Variants in TEK observed in about 807,000 individuals in gnomAD.
The protein encoded by TEK is TEK receptor tyrosine kinase, also known as angiopoietin-1 receptor.
A neutral mutation model predicts 131.8 loss-of-function variants in TEK; 43 were observed. That is an observed-to-expected ratio of 0.33 (90% confidence interval 0.26 to 0.42). TEK has a LOEUF of 0.42. Among genes scored for constraint, TEK ranks in the 10% least tolerant of loss-of-function variants. The probability of loss-of-function intolerance (pLI) is 1.00; values close to 1 mark genes in which losing one functional copy is unlikely to be tolerated. For synonymous variants in TEK, 580 were observed against 491.6 expected, an observed-to-expected ratio of 1.18 and a Z score of -2.38; for missense variants, 1,162 against 1,384.4, an observed-to-expected ratio of 0.84 and a Z score of 2.55.
chr9:27,217,648 C>T, intron 18 of TEK, 40 bp from the exon 19 acceptor site: 1 of 1,596,830 alleles, frequency 6.3e-7, no homozygotes, highest in Non-Finnish European at 8.6e-7. Flanking sequence ...TCTTAAAGAC[C>T]CTGTCCCAGT....
At chr9:27,177,503 C>A (rs772236024) in intron 6 of TEK, among the ~76,000 whole-genome samples, 4 of 152,226 alleles carry the variant, frequency 2.6e-5, no homozygotes, top group Non-Finnish European at 1.5e-5. Context: ...GTAATCCCAG[C>A]ACTTTGGGAG....
chr9:27,223,218 G>A (rs541739075), intron 21 of TEK, among the ~76,000 whole-genome samples: 40 of 152,178 alleles, frequency 2.6e-4, no homozygotes, highest in African/African-American at 8.9e-4. Context: ...ACGGATCAAC[G>A]AGACAGAAGA....
At chr9:27,222,508 T>C (rs1256180954) in intron 21 of TEK, among the ~76,000 whole-genome samples, 1 of 152,076 alleles carries the variant, frequency 6.6e-6, no homozygotes, top group Non-Finnish European at 1.5e-5. Flanking sequence ...AGACTAACAG[T>C]AGACCTCTCT....
intron 1 of TEK, among the ~76,000 whole-genome samples, chr9:27,137,786 T>TC (rs1338113823): frequency 3.9e-5 from 6 of 152,202 alleles, no homozygotes; most frequent in African/African-American, 1.4e-4. Flanking sequence ...TTCTCATTTT[T>TC]CTCTTTAGTT....
At chr9:27,214,197 A>G (rs953745392) in intron 18 of TEK, among the ~76,000 whole-genome samples, 8 of 152,346 alleles carry the variant, frequency 5.3e-5, no homozygotes, top group African/African-American at 1.9e-4. Flanking sequence ...AGAGATACTC[A>G]TTCTGCTTTT....
intron 1 of TEK, among the ~76,000 whole-genome samples, chr9:27,119,737 A>G (rs1405208321): frequency 6.6e-6 from 1 of 152,208 alleles, no homozygotes; most frequent in Non-Finnish European, 1.5e-5. Flanking sequence ...CACGGGCTCT[A>G]GGATGATCTG....
intron 18 of TEK, among the ~76,000 whole-genome samples, chr9:27,215,763 C>G (rs970103924): frequency 1.3e-5 from 2 of 148,546 alleles, no homozygotes; most frequent in Non-Finnish European, 3.0e-5. Flanking sequence ...CTTCAAAGAG[C>G]TCGTAGACAT....
intron 2 of TEK, among the ~76,000 whole-genome samples, chr9:27,162,906 G>T (rs191839068): frequency 6.6e-6 from 1 of 152,062 alleles, no homozygotes; most frequent in Non-Finnish European, 1.5e-5. Flanking sequence ...AGTAGAGACA[G>T]GGCTTTACCA....
chr9:27,117,141 A>G (rs1488619850), intron 1 of TEK, among the ~76,000 whole-genome samples: 1 of 152,160 alleles, frequency 6.6e-6, no homozygotes, highest in Non-Finnish European at 1.5e-5. Flanking sequence ...CTGGGATTAC[A>G]GGCGTGAGCC....
At chr9:27,187,849 C>T (rs1380074788) in intron 9 of TEK, among the ~76,000 whole-genome samples, 1 of 152,032 alleles carries the variant, frequency 6.6e-6, no homozygotes, top group Non-Finnish European at 1.5e-5. Context: ...ATTTAATCCT[C>T]TTACAAGGAC....
intron 1 of TEK, among the ~76,000 whole-genome samples, chr9:27,144,537 C>G (rs1198080996): frequency 6.6e-6 from 1 of 152,138 alleles, no homozygotes; most frequent in Non-Finnish European, 1.5e-5. Flanking sequence ...AGAGGAAAAA[C>G]AGACATAAAA....
Position 27,229,254 on chromosome 9 carries a change from C to T in TEK, c.*22C>T. ...CTAGGACAGAACATCTGTATACCCT[C>T]TGTTTCCCTTTCACTGGCATGGGAG... On this transcript the variant is annotated 3_prime_UTR_variant, in exon 23 of 23. Coordinates refer to ENST00000380036, the MANE Select transcript of TEK (RefSeq NM_000459.5). 6.2e-7 allele frequency: 1 copy of T among 1,612,390 alleles called. No individual in the cohort carries two copies. Among genetic ancestry groups the T allele is most frequent in the South Asian group, 1.1e-5 (1 of 91,062 alleles).
At chr9:27,183,998 A>G (rs934244938) in intron 8 of TEK, among the ~76,000 whole-genome samples, 7 of 152,192 alleles carry the variant, frequency 4.6e-5, no homozygotes, top group African/African-American at 1.4e-4. Flanking sequence ...GTTGCAACCC[A>G]TGAATCAGCA....
intron 12 of TEK, among the ~76,000 whole-genome samples, chr9:27,201,715 A>AT (rs1351227088): frequency 1.3e-5 from 2 of 152,206 alleles, no homozygotes; most frequent in Non-Finnish European, 2.9e-5. Flanking sequence ...AATAGAAAGG[A>AT]TGTACCTTGA....
At chr9:27,199,654 G>A (rs1359734689) in intron 12 of TEK, among the ~76,000 whole-genome samples, 1 of 151,976 alleles carries the variant, frequency 6.6e-6, no homozygotes, top group African/African-American at 2.4e-5. Context: ...CCTCTTTTTT[G>A]ATATACTTAT....
At chr9:27,202,693 T>C (rs1825262807) in intron 12 of TEK, 127 bp from the exon 13 acceptor site, 2 of 971,864 alleles carry the variant, frequency 2.1e-6, no homozygotes, top group East Asian at 5.0e-5. Context: ...TACCAATTGA[T>C]TGGGGTACCA....
At chr9:27,185,434 G>A in intron 8 of TEK, 51 bp from the exon 9 acceptor site, 2 of 1,610,796 alleles carry the variant, frequency 1.2e-6, no homozygotes, top group Non-Finnish European at 1.7e-6. Context: ...ATGGACCTTT[G>A]CGTTTATGCC....
At chr9:27,212,521 C>T (rs1035272674) in intron 16 of TEK, among the ~76,000 whole-genome samples, 186 bp from the exon 17 acceptor site, 6 of 152,090 alleles carry the variant, frequency 3.9e-5, no homozygotes, top group African/African-American at 1.4e-4. Context: ...TGCAGCCTGG[C>T]CCCTTTTGAG....
chr9:27,217,939 G>T (rs887889603), intron 19 of TEK, among the ~76,000 whole-genome samples, 181 bp downstream of exon 19: 4 of 152,190 alleles, frequency 2.6e-5, no homozygotes, highest in Non-Finnish European at 4.4e-5. Flanking sequence ...GAGGAGTGCA[G>T]AATCACTTGT....
Sources: gnomAD v4.1 joint callset for allele counts (sites outside exome capture counted in the v4.1 genomes callset) on GRCh38, gnomAD v4.1.1 for gene constraint, MANE v1.5 for transcripts, NCBI Gene and HGNC (gene_info 2026-07-23, HGNC 2026-07-21) for gene names.